Variants in NUP58 observed in about 807,000 individuals in gnomAD.
NUP58 encodes nucleoporin p58/p45.
Under a neutral mutation model 70.1 loss-of-function variants are expected in NUP58, and 17 were observed. The ratio of observed to expected loss-of-function variants is 0.24; its 90% CI spans 0.17 to 0.36. The LOEUF (loss-of-function observed/expected upper bound fraction) is 0.36. Among genes scored for constraint, NUP58 ranks in the 10% least tolerant of loss-of-function variants. The pLI is 1.00. For synonymous variants in NUP58, 275 were observed against 257.6 expected, an observed-to-expected ratio of 1.07 and a Z score of -0.65; for missense variants, 644 against 701.5, an observed-to-expected ratio of 0.92 and a Z score of 0.93.
chr13:25,305,229 C>T (rs1183585870), intron 1 of NUP58, among the ~76,000 whole-genome samples: 1 of 149,390 alleles, frequency 6.7e-6, no homozygotes, highest in Non-Finnish European at 1.5e-5. Context: ...CTACAACCTC[C>T]ACCTCCTGGG....
Position 25,339,974 on chromosome 13 carries a change from G to A in NUP58, c.1640G>A (p.Ser547Asn), listed in dbSNP as rs747547716. The A allele has an allele frequency of 3.8e-6, 6 of 1,599,900 alleles. No homozygotes were observed. In the East Asian group the frequency reaches 1.4e-4, roughly 36 times the overall value. ...PSGSLSAGFG[S>N]SSTSGFNFSN... ...TTTCCCTAAACATAAGGCTTTGGCA[G>A]CTCAAGTACATCTGGGTTTAACTTC... Residue 547 changes from serine to asparagine, a missense_variant, in exon 16 of 16, where the codon AGC (serine) becomes AAC (asparagine). Physicochemically the swap from Ser to Asn is conservative, Grantham distance 46. Coordinates refer to ENST00000381736, the MANE Select transcript of NUP58 (RefSeq NM_014089.4).
At chr13:25,319,956 A>C (rs1296093081) in intron 7 of NUP58, among the ~76,000 whole-genome samples, 7 of 152,122 alleles carry the variant, frequency 4.6e-5, no homozygotes, top group Non-Finnish European at 8.8e-5. Context: ...ATGAAATCTA[A>C]CTCATGATTC....
downstream of NUP58, among the ~76,000 whole-genome samples, chr13:25,345,586 G>C (rs528340717): frequency 1.4e-3 from 3 of 2,160 alleles, no homozygotes; most frequent in Admixed American, 0.05. Flanking sequence ...GGGGGCGGTG[G>C]GGGGGGGTCT....
chr13:25,308,262 A>T, intron 2 of NUP58: 1 of 196,200 alleles, frequency 5.1e-6, no homozygotes, highest in Admixed American at 5.6e-5. Context: ...ACATTAACAT[A>T]CGTGAGATAA....
chr13:25,301,787 TCTC>T lies in NUP58; in HGVS notation c.17_19del (p.Ser6del). ...CCCTGGCCAGACATGTCCACAGGGTTCTCCTTCGGGTCCGGGACTCTGGGCTCC... is the reference window on the plus strand; with the variant it reads ...CCCTGGCCAGACATGTCCACAGGGTTCTTCGGGTCCGGGACTCTGGGCTCC... On this transcript the variant is annotated inframe_deletion, in exon 1 of 16. Transcript: ENST00000381736. 6.2e-7 allele frequency: 1 copy of T among 1,612,862 alleles called. No homozygotes were observed. Among genetic ancestry groups the T allele is most frequent in the Non-Finnish European group, 8.5e-7 (1 of 1,179,434 alleles).
At chr13:25,337,495 AT>A (rs1334676758) in intron 14 of NUP58, among the ~76,000 whole-genome samples, 1 of 152,284 alleles carries the variant, frequency 6.6e-6, no homozygotes, top group African/African-American at 2.4e-5. Context: ...TTCTAAGCAC[AT>A]TTGGCAAATT....
rs2031164157 is a variant in NUP58, at chr13:25,321,094, G to A, written c.951+1G>A. On this transcript the variant is annotated splice_donor_variant, in intron 9 of 15. Transcript: ENST00000381736. LOFTEE classifies it high-confidence loss of function. ...CAAATTGAAAATAGAAACTGCTCAG[G>A]TATACCAACTTATGGCCATTTTACC... is the stretch of plus-strand genomic sequence containing the variant. 1 of 1,574,232 alleles carries A rather than the reference G, an allele frequency of 6.4e-7. No individual in the cohort carries two copies. The highest frequency in any genetic ancestry group is 8.6e-7 in the Non-Finnish European group (1 of 1,167,724).
At chr13:25,338,895 C>T in intron 15 of NUP58, 164 bp downstream of exon 15, 1 of 479,278 alleles carries the variant, frequency 2.1e-6, no homozygotes, top group Non-Finnish European at 3.7e-6. Flanking sequence ...TACTTTATCT[C>T]TCTCATAAAC....
At chr13:25,337,485 TTC>T (rs1275431051) in intron 14 of NUP58, among the ~76,000 whole-genome samples, 1 of 152,186 alleles carries the variant, frequency 6.6e-6, no homozygotes, top group Non-Finnish European at 1.5e-5. Context: ...TCATGTCCAT[TTC>T]TAAGCACATT....
chr13:25,303,177 C>T (rs560707601), intron 1 of NUP58: 37 of 446,172 alleles, frequency 8.3e-5, no homozygotes, highest in South Asian at 5.9e-4. Context: ...ACAAAATTCC[C>T]ATTGCTCTCT....
At chr13:25,301,993 C>A in intron 1 of NUP58, 113 bp downstream of exon 1, 2 of 712,848 alleles carry the variant, frequency 2.8e-6, no homozygotes, top group South Asian at 1.9e-5. Context: ...CCCAGTGGGG[C>A]TGGAGAGAAG....
chr13:25,302,338 G>GT (rs1197439632), intron 1 of NUP58, among the ~76,000 whole-genome samples: 10 of 152,118 alleles, frequency 6.6e-5, no homozygotes, highest in African/African-American at 2.4e-4. Context: ...TAACTTTGTG[G>GT]TTTTTAACCA....
At chr13:25,336,144 T>C (rs1046096536) in intron 13 of NUP58, 1 of 1,321,880 alleles carries the variant, frequency 7.6e-7, no homozygotes, top group East Asian at 5.1e-5. Context: ...AATTGAAATC[T>C]TGAATGTATT....
intron 3 of NUP58, among the ~76,000 whole-genome samples, chr13:25,311,299 A>G (rs150902169): frequency 1.3e-5 from 2 of 152,300 alleles, no homozygotes; most frequent in African/African-American, 4.8e-5. Context: ...TTTAAAGACA[A>G]TCTAGAGCTA....
chr13:25,307,748 C>G, intron 1 of NUP58, 58 bp from the exon 2 acceptor site: 1 of 1,556,872 alleles, frequency 6.4e-7, no homozygotes, highest in Non-Finnish European at 8.8e-7. Flanking sequence ...AATATTGGCT[C>G]TAGTAGACCT....
chr13:25,333,654 T>C, intron 13 of NUP58: 1 of 985,390 alleles, frequency 1.0e-6, no homozygotes, highest in Non-Finnish European at 1.2e-6. Context: ...TTATTTTTAG[T>C]CATGTCACCA....
At chr13:25,332,843 T>G in intron 13 of NUP58, 1 of 985,458 alleles carries the variant, frequency 1.0e-6, no homozygotes, top group Non-Finnish European at 1.2e-6. Context: ...TGAGGATTGA[T>G]ATTTCTTCTT....
chr13:25,329,227 T>G (rs1391553890), intron 12 of NUP58, among the ~76,000 whole-genome samples: 3 of 152,208 alleles, frequency 2.0e-5, no homozygotes, highest in Admixed American at 2.0e-4. Context: ...AAAAGTAGGC[T>G]ATCATTATAC....
At chr13:25,303,069 C>A (rs201886011) in intron 1 of NUP58, 1 of 456,402 alleles carries the variant, frequency 2.2e-6, no homozygotes, top group African/African-American at 2.0e-5. Flanking sequence ...TGATTCTTGT[C>A]AGATTTTTAA....
Sources: gnomAD v4.1 joint callset for allele counts (sites outside exome capture counted in the v4.1 genomes callset) on GRCh38, gnomAD v4.1.1 for gene constraint, MANE v1.5 for transcripts, NCBI Gene and HGNC (gene_info 2026-07-23, HGNC 2026-07-21) for gene names.